The following PKD2L1 variants were observed in gnomAD, a reference collection of about 807,000 sequenced individuals.
PKD2L1 encodes polycystin-2-like protein 1.
In PKD2L1, 77 loss-of-function variants were observed where a neutral mutation model predicts 93.0. The ratio of observed to expected loss-of-function variants is 0.83; its 90% CI spans 0.69 to 1.00. The LOEUF (loss-of-function observed/expected upper bound fraction) is 1.00. Among genes scored for constraint, PKD2L1 ranks in the 50% least tolerant of loss-of-function variants. PKD2L1 has a pLI of 0.00. For synonymous variants in PKD2L1, 390 were observed against 388.0 expected, an observed-to-expected ratio of 1.01 and a Z score of -0.06; for missense variants, 977 against 990.9, an observed-to-expected ratio of 0.99 and a Z score of 0.19.
At chr10:100,317,203 A>G (rs949348451) in intron 2 of PKD2L1, among the ~76,000 whole-genome samples, 1 of 152,152 alleles carries the variant, frequency 6.6e-6, no homozygotes, top group African/African-American at 2.4e-5. Context: ...CACAAATAAC[A>G]CTTTTTATTT....
intron 2 of PKD2L1, among the ~76,000 whole-genome samples, chr10:100,300,146 CT>C (rs1224020682): frequency 6.6e-6 from 1 of 152,158 alleles, no homozygotes; most frequent in Non-Finnish European, 1.5e-5. Context: ...GTCTAGAGTA[CT>C]CCCTCTAGAG....
chr10:100,313,106 G>A (rs1848970240), intron 2 of PKD2L1, among the ~76,000 whole-genome samples: 1 of 152,146 alleles, frequency 6.6e-6, no homozygotes, highest in Non-Finnish European at 1.5e-5. Flanking sequence ...TCCTGTAGAA[G>A]GTTACAGAGG....
Position 100,320,716 on chromosome 10 carries a change from A to G in PKD2L1, c.349+8495T>C, listed in dbSNP as rs1849207698. On this transcript the variant is annotated intron_variant, in intron 2 of 15. Coordinates refer to ENST00000318222, the MANE Select transcript of PKD2L1 (RefSeq NM_016112.3). ...AGGCAAGTAAATTAATGTGAGTTGT[A>G]CCATCTTATACCTATTTAATAATAA... is the stretch of plus-strand genomic sequence containing the variant. Among the ~76,000 whole-genome samples, 3 of 152,258 alleles carry G rather than the reference A, an allele frequency of 2.0e-5. No individual in the cohort carries two copies. In the South Asian group the frequency reaches 6.2e-4, roughly 31 times the overall value.
chr10:100,303,629 C>G (rs913382264), intron 2 of PKD2L1, among the ~76,000 whole-genome samples: 19 of 152,300 alleles, frequency 1.2e-4, no homozygotes, highest in African/African-American at 4.1e-4. Context: ...TAACATTATA[C>G]TTTTTCAGGG....
chr10:100,312,615 A>G (rs1467574215), intron 2 of PKD2L1, among the ~76,000 whole-genome samples: 1 of 152,160 alleles, frequency 6.6e-6, no homozygotes, highest in Non-Finnish European at 1.5e-5. Flanking sequence ...ATAGGAGTAG[A>G]GGACAGGGCA....
At chr10:100,290,970 G>A (rs1330106174) in intron 12 of PKD2L1, among the ~76,000 whole-genome samples, 1 of 152,170 alleles carries the variant, frequency 6.6e-6, no homozygotes, top group Non-Finnish European at 1.5e-5. Flanking sequence ...TGGGCAGTTG[G>A]TCATTTTTCC....
intron 7 of PKD2L1, among the ~76,000 whole-genome samples, chr10:100,295,731 C>CAAAAAAA: frequency 1.8e-5 from 1 of 56,636 alleles, no homozygotes; most frequent in Non-Finnish European, 3.1e-5. Flanking sequence ...GACTTCGTCT[C>CAAAAAAA]AAAAAAAAAA....
At chr10:100,293,898 G>T (rs1848462173) in intron 9 of PKD2L1, among the ~76,000 whole-genome samples, 1 of 152,148 alleles carries the variant, frequency 6.6e-6, no homozygotes, top group Admixed American at 6.6e-5. Flanking sequence ...CTTGAGTCCA[G>T]GAGTTAGAGA....
In PKD2L1 at chr10:100,298,705, C is replaced by A. The variant is rs1042448770; in HGVS notation, c.588G>T (p.Gly196=). 2 of 1,613,960 alleles carry A rather than the reference C, an allele frequency of 1.2e-6. No homozygotes were observed. Among genetic ancestry groups the A allele is most frequent in the East Asian group, 2.2e-5 (1 of 44,876 alleles). ...SFIYYENMLL[G]VPRLRQLKVR... ...CCTTTAGCTGCCGCAGCCTCGGAACCCCCAGCAGCATGTTCTCATAGTAGA... is the reference window on the plus strand; with the variant it reads ...CCTTTAGCTGCCGCAGCCTCGGAACACCCAGCAGCATGTTCTCATAGTAGA... Residue 196 remains glycine (G), a synonymous_variant, in exon 4 of 16, where the codon GGG becomes GGT. Coordinates refer to ENST00000318222, the MANE Select transcript of PKD2L1 (RefSeq NM_016112.3).
chr10:100,325,621 G>T (rs1280340820), intron 2 of PKD2L1, among the ~76,000 whole-genome samples: 1 of 152,198 alleles, frequency 6.6e-6, no homozygotes, highest in African/African-American at 2.4e-5. Flanking sequence ...TTTTCAGGTA[G>T]TCTAAGGATT....
At chr10:100,299,544 G>C in intron 3 of PKD2L1, 47 bp downstream of exon 3, 1 of 1,580,692 alleles carries the variant, frequency 6.3e-7, no homozygotes, top group Non-Finnish European at 8.7e-7. Context: ...TGTGGCCTCA[G>C]GCCATTGAGA....
Position 100,297,625 on chromosome 10 carries a change from G to GTGGAAGTGGTTCC in PKD2L1, c.732-20_732-19insGGAACCACTTCCA. ...TGTCCACCTGCCACAGAAAATGCCA[G>GTGGAAGTGGTTCC]CTGAGCCAGCCCAAAAGTTCATCTC... is the stretch of plus-strand genomic sequence containing the variant. On this transcript the variant is annotated intron_variant, in intron 4 of 15. Coordinates refer to ENST00000318222, the MANE Select transcript of PKD2L1 (RefSeq NM_016112.3). 1.3e-6 allele frequency: 2 copies of GTGGAAGTGGTTCC among 1,594,530 alleles called. No homozygotes were observed. Among genetic ancestry groups the GTGGAAGTGGTTCC allele is most frequent in the Non-Finnish European group, 8.6e-7 (1 of 1,163,986 alleles).
Position 100,329,227 on chromosome 10 carries a change from C to G in PKD2L1, c.333G>C (p.Leu111=). ...GCTACTCACGTAGACAGATGTCCAC[C>G]AGGAACACAATATATACCAACAGCT... The part of the protein sequence containing the change: ...LRELLVYIVF[L]VDICLLTYGM... Residue 111 remains leucine, a synonymous_variant, in exon 2 of 16, where the codon CTG becomes CTC. Coordinates refer to ENST00000318222, the MANE Select transcript of PKD2L1 (RefSeq NM_016112.3). 1.2e-6 allele frequency: 2 copies of G among 1,614,156 alleles called. No individual in the cohort carries two copies. The highest frequency in any genetic ancestry group is 1.7e-6 in the Non-Finnish European group (2 of 1,179,982).
At chr10:100,313,563 A>C (rs1848980068) in intron 2 of PKD2L1, among the ~76,000 whole-genome samples, 1 of 152,254 alleles carries the variant, frequency 6.6e-6, no homozygotes, top group African/African-American at 2.4e-5. Context: ...CTGGATCAAT[A>C]AGATTCTGTG....
At chr10:100,304,235 C>T (rs1488862445) in intron 2 of PKD2L1, among the ~76,000 whole-genome samples, 1 of 152,194 alleles carries the variant, frequency 6.6e-6, no homozygotes, top group Non-Finnish European at 1.5e-5. Flanking sequence ...CATACAAACA[C>T]TCTTTCTCCC....
At chr10:100,306,943 C>T (rs113936415) in intron 2 of PKD2L1, among the ~76,000 whole-genome samples, 4 of 151,590 alleles carry the variant, frequency 2.6e-5, no homozygotes, top group Non-Finnish European at 5.9e-5. Context: ...GTGTTTCCCT[C>T]CCCCTACATC....
rs1473979160 is a variant in PKD2L1 at position 100,294,950 on chromosome 10, G to T, written c.1530C>A (p.Ile510=). 2.5e-6 allele frequency: 4 copies of T among 1,612,848 alleles called. No homozygotes were observed. Among genetic ancestry groups the T allele is most frequent in the Middle Eastern group, 3.3e-4 (2 of 6,060 alleles). The change falls in exon 8 of 16, where the codon ATC becomes ATA. Residue 510 remains isoleucine, a synonymous_variant. Coordinates refer to ENST00000318222, the MANE Select transcript of PKD2L1 (RefSeq NM_016112.3). ...GGGGACAGGACACACACATGCACTTGATGAAAGTGCTAAAGTTTTCCACTT... is the reference window on the plus strand; with the variant it reads ...GGGGACAGGACACACACATGCACTTTATGAAAGTGCTAAAGTTTTCCACTT... ...GTQVENFSTF[I]KCIFTQFRII...
At chr10:100,324,709 G>A (rs1179071803) in intron 2 of PKD2L1, among the ~76,000 whole-genome samples, 1 of 152,204 alleles carries the variant, frequency 6.6e-6, no homozygotes, top group East Asian at 1.9e-4. Context: ...CTTATTGGTA[G>A]AACAATTGTT....
chr10:100,315,722 G>A (rs603424), intron 2 of PKD2L1, among the ~76,000 whole-genome samples: 50,041 of 152,012 alleles, frequency 0.33, 12,219 homozygotes, highest in African/African-American at 0.67. Flanking sequence ...GCTGGTTTAC[G>A]CCTTTTTCCT....
Sources: allele counts gnomAD v4.1 joint callset (sites outside exome capture counted in the v4.1 genomes callset), GRCh38; gene constraint gnomAD v4.1.1; transcripts MANE v1.5; gene names NCBI Gene and HGNC (gene_info 2026-07-23, HGNC 2026-07-21).